Variants in MRTFA observed in about 807,000 individuals in gnomAD.
The protein encoded by MRTFA is myocardin related transcription factor A.
MRTFA carries 20 observed loss-of-function variants against 83.5 expected under a neutral mutation model. The ratio of observed to expected loss-of-function variants is 0.24; its 90% CI spans 0.17 to 0.35. The LOEUF (loss-of-function observed/expected upper bound fraction) is 0.35. Ranked by LOEUF, MRTFA falls within the 10% of genes least tolerant of loss-of-function variation. The pLI, the probability that MRTFA is intolerant of heterozygous loss-of-function variation, is 1.00. For missense variants in MRTFA, 1,200 were observed against 1,224.7 expected, an observed-to-expected ratio of 0.98 and a Z score of 0.30; for synonymous variants, 659 against 541.2, an observed-to-expected ratio of 1.22 and a Z score of -3.02.
intron 3 of MRTFA, among the ~76,000 whole-genome samples, chr22:40,536,895 C>T (rs141209661): frequency 0.44 from 18,606 of 42,134 alleles, 3,626 homozygotes; most frequent in African/African-American, 0.53. Flanking sequence ...AAGTGAGGAG[C>T]CCCTCCGCCC....
At chr22:40,418,084 C>A (rs1325832191) in intron 12 of MRTFA, among the ~76,000 whole-genome samples, 2 of 152,082 alleles carry the variant, frequency 1.3e-5, no homozygotes, top group East Asian at 3.9e-4. Context: ...CTAGGGCAGG[C>A]CCAGCCTGGG....
intron 2 of MRTFA, among the ~76,000 whole-genome samples, chr22:40,553,294 C>T (rs1602420281): frequency 1.3e-5 from 2 of 152,210 alleles, no homozygotes; most frequent in East Asian, 3.8e-4. Flanking sequence ...AAGAGCCTAA[C>T]ATTAATCACC....
chr22:40,421,817 C>T (rs2052846956), intron 9 of MRTFA, among the ~76,000 whole-genome samples: 1 of 152,002 alleles, frequency 6.6e-6, no homozygotes, highest in African/African-American at 2.4e-5. Flanking sequence ...CACGGAGAGC[C>T]GAGAAGTTTT....
At chr22:40,417,208 C>G (rs1009992647) in intron 13 of MRTFA, 133 bp downstream of exon 13, 1 of 1,398,442 alleles carries the variant, frequency 7.2e-7, no homozygotes, top group Non-Finnish European at 9.7e-7. Context: ...TAACAACCCA[C>G]TCCCCAAGGC....
intron 4 of MRTFA, among the ~76,000 whole-genome samples, chr22:40,445,951 G>C (rs1001045899): frequency 1.3e-5 from 2 of 152,150 alleles, no homozygotes; most frequent in Non-Finnish European, 2.9e-5. Flanking sequence ...ACTGACTTAA[G>C]TATCTAAGCT....
chr22:40,418,058 T>C (rs1480336716), intron 12 of MRTFA, among the ~76,000 whole-genome samples: 2 of 152,022 alleles, frequency 1.3e-5, no homozygotes, highest in South Asian at 2.1e-4. Context: ...CACTGGCCAC[T>C]CCCCACAGAG....
At chr22:40,601,575 T>C (rs527942367) in intron 1 of MRTFA, among the ~76,000 whole-genome samples, 26 of 152,332 alleles carry the variant, frequency 1.7e-4, no homozygotes, top group African/African-American at 5.5e-4. Flanking sequence ...ACAAATTTAA[T>C]TTAGCCTAGA....
intron 2 of MRTFA, among the ~76,000 whole-genome samples, chr22:40,562,367 T>C (rs2055633050): frequency 6.6e-6 from 1 of 151,532 alleles, no homozygotes; most frequent in African/African-American, 2.4e-5. Context: ...ACCTGCTGAA[T>C]AACACTAAGA....
chr22:40,571,406 A>C (rs1237887207), intron 2 of MRTFA, among the ~76,000 whole-genome samples: 1 of 152,172 alleles, frequency 6.6e-6, no homozygotes, highest in African/African-American at 2.4e-5. Context: ...CCAAAGGAAA[A>C]AACTAGATAA....
chr22:40,536,402 C>G (rs1456645377), intron 3 of MRTFA, among the ~76,000 whole-genome samples: 6 of 150,524 alleles, frequency 4.0e-5, no homozygotes, highest in Non-Finnish European at 7.4e-5. Context: ...GCGGCGCCGG[C>G]GAGCGCCGCC....
At chr22:40,550,613 T>C (rs1159444099) in intron 3 of MRTFA, among the ~76,000 whole-genome samples, 1 of 152,028 alleles carries the variant, frequency 6.6e-6, no homozygotes, top group Non-Finnish European at 1.5e-5. Flanking sequence ...GAACAACAAA[T>C]TACTGAAGAA....
chr22:40,420,499 G>A lies in MRTFA; in HGVS notation c.1259C>T (p.Ser420Leu), dbSNP rs116889416. The A allele has an allele frequency of 1.2e-4, 197 of 1,613,766 alleles. 1 individual carries two copies. The highest frequency in any genetic ancestry group is 1.7e-4 in the Middle Eastern group (1 of 6,050). The stretch of plus-strand genomic sequence containing the variant: ...CAGCCCACAGGGCCCAGGGGCGCCC[G>A]AGCTGGAGCTGCTATTGGTAGTGGA... The change falls in exon 11 of 15, where the codon TCG (serine) becomes TTG (leucine). Residue 420 changes from serine to leucine, a missense_variant. Coordinates refer to ENST00000355630, the MANE Select transcript of MRTFA (RefSeq NM_020831.6).
intron 3 of MRTFA, among the ~76,000 whole-genome samples, chr22:40,496,192 T>C (rs1602336367): frequency 6.6e-6 from 1 of 152,218 alleles, no homozygotes; most frequent in East Asian, 1.9e-4. Context: ...AACATCTCTA[T>C]GCCTCCATTT....
intron 2 of MRTFA, among the ~76,000 whole-genome samples, chr22:40,566,758 G>A (rs963425970): frequency 4.6e-5 from 7 of 152,158 alleles, no homozygotes; most frequent in Non-Finnish European, 1.0e-4. Flanking sequence ...ACTTGAACCC[G>A]CGAGGCGGAG....
In MRTFA at chr22:40,620,028, G is replaced by A. The variant is rs977235189; in HGVS notation, c.-84+16450C>T. ...GCTGGAGTGCAGTGGCGTGATCTTG[G>A]CTCAATGCAGCCTCCGTCTCCCAGG... On this transcript the variant is annotated intron_variant, in intron 1 of 14. Coordinates refer to ENST00000355630, the MANE Select transcript of MRTFA (RefSeq NM_020831.6). Among the ~76,000 whole-genome samples the A allele has an allele frequency of 1.6e-4, 24 of 151,866 alleles. 2 individuals are homozygous for A. The highest frequency in any genetic ancestry group is 1.2e-3 in the Admixed American group (18 of 15,236).
intron 3 of MRTFA, among the ~76,000 whole-genome samples, chr22:40,539,031 G>C (rs989705782): frequency 8.6e-6 from 1 of 115,888 alleles, no homozygotes; most frequent in Non-Finnish European, 1.6e-5. Context: ...GTCTCACTCT[G>C]CCACTCAGGC....
At chr22:40,594,887 T>TAAAAAAA (rs776075354) in intron 1 of MRTFA, among the ~76,000 whole-genome samples, 152 bp from the exon 2 acceptor site, 1 of 105,008 alleles carries the variant, frequency 9.5e-6, no homozygotes. Flanking sequence ...TGTCACTGGT[T>TAAAAAAA]AAAAAAAAAA....
intron 1 of MRTFA, among the ~76,000 whole-genome samples, chr22:40,618,685 C>T (rs1045615970): frequency 1.3e-5 from 2 of 152,016 alleles, no homozygotes; most frequent in Admixed American, 6.6e-5. Context: ...TATTGCAGGC[C>T]GGGCATGGTG....
chr22:40,459,239 C>CA (rs59958160), intron 4 of MRTFA, among the ~76,000 whole-genome samples: 1,346 of 86,936 alleles, frequency 0.015, 17 homozygotes, highest in African/African-American at 0.046. Context: ...AGGGGTCTGG[C>CA]AAAAAAAAAA....
Sources: allele counts gnomAD v4.1 joint callset (sites outside exome capture counted in the v4.1 genomes callset), GRCh38; gene constraint gnomAD v4.1.1; transcripts MANE v1.5; gene names NCBI Gene and HGNC (gene_info 2026-07-23, HGNC 2026-07-21).